Variants in EPPK1 observed in about 807,000 individuals in gnomAD.
The protein encoded by EPPK1 is epiplakin.
For missense variants in EPPK1, 3,823 were observed against 3,673.3 expected, an observed-to-expected ratio of 1.04 and a Z score of -1.05; for synonymous variants, 1,862 against 1,721.2, an observed-to-expected ratio of 1.08 and a Z score of -2.03.
chr8:143,874,533 G>A (rs545710956), intron 1 of EPPK1, among the ~76,000 whole-genome samples: 1 of 152,266 alleles, frequency 6.6e-6, no homozygotes, highest in South Asian at 2.1e-4. Flanking sequence ...TTCCCAGGAC[G>A]CCTGGGGCCC....
rs1554660092 is a variant in EPPK1 at position 143,868,794 on chromosome 8, A to G, written c.4460T>C (p.Val1487Ala). Residue 1487 changes from valine (V) to alanine (A), a missense_variant, in exon 2 of 2, where the codon GTG (valine) becomes GCG (alanine). By Grantham distance (64) the Val-to-Ala change is moderately conservative (BLOSUM62 0). Transcript: ENST00000615648. Reference protein sequence around the residue: ...YVGADKRRELVALCRSGRAAA... With the variant: ...YVGADKRRELAALCRSGRAAA... Reference sequence around the variant, plus strand: ...AGCCCTCCCAGACCGACAGAGTGCCACCAGCTCCCGCCGCTTGTCAGCGCC... The same window carrying G: ...AGCCCTCCCAGACCGACAGAGTGCCGCCAGCTCCCGCCGCTTGTCAGCGCC... 6.2e-7 allele frequency: 1 copy of G among 1,601,182 alleles called. No homozygotes were observed. The highest frequency in any genetic ancestry group is 1.7e-5 in the Admixed American group (1 of 59,488).
rs781893307 is a variant in EPPK1, at chr8:143,867,100, T to C, written c.6154A>G (p.Lys2052Glu). Residue 2052 changes from lysine (K) to glutamate (E), a missense_variant, in exon 2 of 2, where the codon AAA becomes GAA. Lys to Glu is a moderately conservative substitution (Grantham distance 56, BLOSUM62 1). Coordinates refer to ENST00000615648, the MANE Select transcript of EPPK1 (RefSeq NM_031308.4). ...TGCGTGTTCGGGTCCACAAACCGTT[T>C]CCTCATGTGCTTCTGGTCGGAAATG... Reference protein sequence around the residue: ...ALISDQKHMRKRFVDPNTQEK... With the variant: ...ALISDQKHMRERFVDPNTQEK... 6.2e-6 allele frequency: 10 copies of C among 1,613,042 alleles called. No individual in the cohort carries two copies. The South Asian group carries it at 1.1e-4, about 18-fold the overall frequency.
Position 143,858,050 on chromosome 8 carries a change from A to C in EPPK1, c.15204T>G (p.Leu5068=), listed in dbSNP as rs6990098. The part of the protein sequence containing the change: ...NTHENLTYLQ[L]LQRATLDPET... ...CAGGGTCCAGGGTGGCCCTCTGCAGAAGCTGCAGGTACGTGAGGTTCTCGT... is the reference window on the plus strand; with the variant it reads ...CAGGGTCCAGGGTGGCCCTCTGCAGCAGCTGCAGGTACGTGAGGTTCTCGT... The change falls in exon 2 of 2, where the codon CTT becomes CTG. Residue 5068 remains leucine, a synonymous_variant. Transcript: ENST00000615648. 0.08 allele frequency: 128,786 copies of C among 1,609,494 alleles called. 6,022 individuals are homozygous for C. The highest frequency in any genetic ancestry group is 0.093 in the Non-Finnish European group (109,955 of 1,176,380).
Position 143,858,078 on chromosome 8 carries a change from G to A in EPPK1, c.15176C>T (p.Thr5059Met), listed in dbSNP as rs782552488. Residue 5059 changes from threonine (T) to methionine (M), a missense_variant, in exon 2 of 2, where the codon ACG becomes ATG. Thr to Met is a moderately conservative substitution (Grantham distance 81, BLOSUM62 -1). Transcript: ENST00000615648. Reference sequence around the variant, plus strand: ...CTGCAGGTACGTGAGGTTCTCGTGCGTGTTGGGGTCGAAGAAGCCCTTGGT... The same window carrying A: ...CTGCAGGTACGTGAGGTTCTCGTGCATGTTGGGGTCGAAGAAGCCCTTGGT... ...DDTKGFFDPN[T>M]HENLTYLQLL... The A allele has an allele frequency of 1.7e-5, 27 of 1,613,354 alleles. No individual in the cohort carries two copies. The Admixed American group carries it at 2.8e-4, about 17-fold the overall frequency.
chr8:143,877,602 G>A lies in EPPK1; in HGVS notation c.-46+836C>T, dbSNP rs184171809. ...CCAGACTGCCCGGCAGGCCCCCACCGCAGCCTGGGACAAAGGTTGGGGAGG... is the reference window on the plus strand; with the variant it reads ...CCAGACTGCCCGGCAGGCCCCCACCACAGCCTGGGACAAAGGTTGGGGAGG... On this transcript the variant is annotated intron_variant, in intron 1 of 1. Coordinates refer to ENST00000615648, the MANE Select transcript of EPPK1 (RefSeq NM_031308.4). Among the ~76,000 whole-genome samples the A allele has an allele frequency of 2.0e-4, 31 of 152,218 alleles. No homozygotes were observed. In the East Asian group the frequency reaches 5.4e-3, roughly 27 times the overall value.
chr8:143,866,980 A>G lies in EPPK1; in HGVS notation c.6274T>C (p.Ser2092Pro), dbSNP rs1198927285. 2 of 1,612,544 alleles carry G rather than the reference A, an allele frequency of 1.2e-6. No homozygotes were observed. The highest frequency in any genetic ancestry group is 2.2e-5 in the East Asian group (1 of 44,882). The change falls in exon 2 of 2, where the codon TCC becomes CCC. Residue 2092 changes from serine to proline, a missense_variant. Transcript: ENST00000615648. ...CTCGTCTCGTCATCGATGTGCTCGG[A>G]GTCCCGTGCAGCCTTGTTCACTGGG... The part of the protein sequence containing the change: ...LFPVNKAARD[S>P]EHIDDETRRA...
rs782371964 is a variant in EPPK1, at chr8:143,868,104, A to G, written c.5150T>C (p.Ile1717Thr). ...GGTGTCGTCGCTGGGGTCCGCCAGG[A>G]TGCGGTTCATCTCCTCGTCGAAGTA... The part of the protein sequence containing the change: ...CGYFDEEMNR[I>T]LADPSDDTKG... Residue 1717 changes from isoleucine to threonine, a missense_variant, in exon 2 of 2, where the codon ATC becomes ACC. Ile to Thr is a moderately conservative substitution (Grantham distance 89). Transcript: ENST00000615648. The G allele has an allele frequency of 3.7e-6, 6 of 1,613,224 alleles. No individual in the cohort carries two copies. Among genetic ancestry groups the G allele is most frequent in the Non-Finnish European group, 1.7e-6 (2 of 1,180,036 alleles).
chr8:143,872,971 C>T lies in EPPK1; in HGVS notation c.283G>A (p.Val95Met), dbSNP rs1554661793. The T allele has an allele frequency of 6.3e-7, 1 of 1,595,326 alleles. No individual in the cohort carries two copies. Among genetic ancestry groups the T allele is most frequent in the East Asian group, 2.2e-5 (1 of 44,476 alleles). ...AGACCCTGCTGCAGGGCCTTGGACA[C>T]AGGGAGCAGCTGGCCCCGGGCGAGG... is the stretch of plus-strand genomic sequence containing the variant. ...VDLARGQLLPVSKALQQGLVG... is the reference protein window; with the variant it reads ...VDLARGQLLPMSKALQQGLVG... The change falls in exon 2 of 2, where the codon GTG becomes ATG. Residue 95 changes from valine to methionine, a missense_variant. By Grantham distance (21) the Val-to-Met change is conservative (BLOSUM62 1). Transcript: ENST00000615648.
At position 143,866,905 on chromosome 8, in the gene EPPK1, C is replaced by G. The variant is rs782029754; in HGVS notation, c.6349G>C (p.Gly2117Arg). The G allele has an allele frequency of 6.2e-7, 1 of 1,613,114 alleles. No homozygotes were observed. The highest frequency in any genetic ancestry group is 2.2e-5 in the East Asian group (1 of 44,884). The change falls in exon 2 of 2, where the codon GGC (glycine) becomes CGC (arginine). Residue 2117 changes from glycine to arginine, a missense_variant. By Grantham distance (125) the Gly-to-Arg change is moderately radical. Coordinates refer to ENST00000615648, the MANE Select transcript of EPPK1 (RefSeq NM_031308.4). ...QVEITVGRFR[G>R]QKPTLWALLN... is the part of the protein sequence containing the mutation. ...AGTGCCCACAGTGTTGGTTTCTGGC[C>G]TCTGAACCTTCCCACTGTGATTTCC...
At chr8:143,878,400 A>ACCCGCCGCACCTGCCCGCC (rs1819527759) in intron 1 of EPPK1, 38 bp downstream of exon 1, 1 of 43,616 alleles carries the variant, frequency 2.3e-5, no homozygotes, top group Non-Finnish European at 6.0e-5. Flanking sequence ...ACCTGCCCGC[A>ACCCGCCGCACCTGCCCGCC]CCCGCCGCAC....
At position 143,869,731 on chromosome 8, in the gene EPPK1, G is replaced by A. The variant is rs1819273547; in HGVS notation, c.3523C>T (p.Leu1175=). ...ACCCACCTCTGCACAGAGGCTAGCA[G>A]CTGTGGCACAGTGGTCCTCCCCTCC... The part of the protein sequence containing the change: ...VQEGRTTVPQ[L]LASVQRWVQE... The change falls in exon 2 of 2, where the codon CTG becomes TTG. Residue 1175 remains leucine (L), a synonymous_variant. Coordinates refer to ENST00000615648, the MANE Select transcript of EPPK1 (RefSeq NM_031308.4). 6.2e-7 allele frequency: 1 copy of A among 1,600,186 alleles called. No individual in the cohort carries two copies. Among genetic ancestry groups the A allele is most frequent in the South Asian group, 1.1e-5 (1 of 88,762 alleles).
In EPPK1 at chr8:143,871,935, T is replaced by C. The variant is rs782692774; in HGVS notation, c.1319A>G (p.Asp440Gly). 8.1e-6 allele frequency: 13 copies of C among 1,602,872 alleles called. No individual in the cohort carries two copies. The South Asian group carries it at 1.1e-4, about 14-fold the overall frequency. ...RQLSQAGSFS[D>G]GTHGGLRYEQ... is the part of the protein sequence containing the mutation. ...ATAGCGCAGGCCGCCGTGCGTGCCG[T>C]CTGAGAAGCTGCCAGCCTGCGAGAG... The change falls in exon 2 of 2, where the codon GAC (aspartate) becomes GGC (glycine). Residue 440 changes from aspartate to glycine, a missense_variant. Physicochemically the swap from Asp to Gly is moderately conservative, Grantham distance 94. Coordinates refer to ENST00000615648, the MANE Select transcript of EPPK1 (RefSeq NM_031308.4).
At chr8:143,877,070 G>A (rs1819495876) in intron 1 of EPPK1, among the ~76,000 whole-genome samples, 1 of 152,270 alleles carries the variant, frequency 6.6e-6, no homozygotes, top group Non-Finnish European at 1.5e-5. Flanking sequence ...TTGGGAGCAG[G>A]GAGTCGGGGG....
rs782482098 is a variant in EPPK1 at position 143,869,774 on chromosome 8, G to A, written c.3480C>T (p.Gly1160=). 5.0e-6 allele frequency: 8 copies of A among 1,604,622 alleles called. No individual in the cohort carries two copies. The Admixed American group carries it at 6.8e-5, about 14-fold the overall frequency. ...TCCCCTCCTGCACGTCCTCCAGCAG[G>A]CCCCTCCGTTGCTCCTCGGTGAAGT... ...SCHFTEEQRR[G]LLEDVQEGRT... is the part of the protein sequence containing the mutation. The change falls in exon 2 of 2, where the codon GGC becomes GGT. Residue 1160 remains glycine, a synonymous_variant. Transcript: ENST00000615648.
chr8:143,870,843 G>A lies in EPPK1; in HGVS notation c.2411C>T (p.Pro804Leu), dbSNP rs542331099. The change falls in exon 2 of 2, where the codon CCG becomes CTG. Residue 804 changes from proline to leucine, a missense_variant. Coordinates refer to ENST00000615648, the MANE Select transcript of EPPK1 (RefSeq NM_031308.4). This position sits in a 1 kb window ranked among gnomAD's most constrained non-coding sequence, Gnocchi z 5.2. Reference sequence around the variant, plus strand: ...CTGCTGGGTGGCACTGTCCACCAGCGGGGACTGCGTGCTGCTGAGTGGCAG... The same window carrying A: ...CTGCTGGGTGGCACTGTCCACCAGCAGGGACTGCGTGCTGCTGAGTGGCAG... ...YLLPLSSTQS[P>L]LVDSATQQAF... 8.7e-5 allele frequency: 140 copies of A among 1,612,938 alleles called. 1 individual carries two copies. The South Asian group carries it at 1.1e-3, about 13-fold the overall frequency.
At chr8:143,873,448 C>T (rs1276128756) in intron 1 of EPPK1, 150 bp from the exon 2 acceptor site, 2 of 539,110 alleles carry the variant, frequency 3.7e-6, no homozygotes, top group East Asian at 6.8e-5. Context: ...TGAGTCTGCC[C>T]AGGAGCACTC....
In EPPK1 at chr8:143,872,037, C is replaced by G. The variant is rs782028755; in HGVS notation, c.1217G>C (p.Cys406Ser). 31 of 1,557,990 alleles carry G rather than the reference C, an allele frequency of 2.0e-5. No homozygotes were observed. The highest frequency in any genetic ancestry group is 2.6e-5 in the Non-Finnish European group (30 of 1,152,734). Residue 406 changes from cysteine to serine, a missense_variant, in exon 2 of 2, where the codon TGT becomes TCT. Coordinates refer to ENST00000615648, the MANE Select transcript of EPPK1 (RefSeq NM_031308.4). ...GGGCAGCCGGAGCCTGCGTGCTGGACAGACCAGCCCGCCTGTGGCCAGCTG... is the reference window on the plus strand; with the variant it reads ...GGGCAGCCGGAGCCTGCGTGCTGGAGAGACCAGCCCGCCTGTGGCCAGCTG... ...DAQLATGGLV[C>S]PARRLRLPLE...
At chr8:143,873,958 G>T (rs531925084) in intron 1 of EPPK1, among the ~76,000 whole-genome samples, 1 of 152,182 alleles carries the variant, frequency 6.6e-6, no homozygotes, top group Admixed American at 6.5e-5. Context: ...TCCTGCCTCA[G>T]CCTGGCCCTG....
intron 1 of EPPK1, among the ~76,000 whole-genome samples, chr8:143,877,928 C>G (rs904858319): frequency 6.6e-6 from 1 of 152,054 alleles, no homozygotes; most frequent in Non-Finnish European, 1.5e-5. Context: ...GGAGTGGCCA[C>G]CCCTGGGACC....
Sources: gnomAD v4.1 joint callset for allele counts (sites outside exome capture counted in the v4.1 genomes callset) on GRCh38, gnomAD v4.1.1 for gene constraint, Gnocchi (gnomAD v3.1) non-coding constraint, MANE v1.5 for transcripts, NCBI Gene and HGNC (gene_info 2026-07-23, HGNC 2026-07-21) for gene names.